ATP8A1: variants seen among roughly 807,000 people sequenced by gnomAD.
ATP8A1 encodes the protein ATPase phospholipid transporting 8A1, also known as phospholipid-transporting ATPase IA.
Under a neutral mutation model 177.7 loss-of-function variants are expected in ATP8A1, and 90 were observed. The ratio of observed to expected loss-of-function variants is 0.51; its 90% CI spans 0.43 to 0.60. The LOEUF (loss-of-function observed/expected upper bound fraction) is 0.60, where lower values mean the gene tolerates loss of function less well. ATP8A1 is among the 20% of genes least tolerant of loss of function. The pLI is 0.00. For synonymous variants in ATP8A1, 493 were observed against 485.9 expected, an observed-to-expected ratio of 1.01 and a Z score of -0.19; for missense variants, 1,072 against 1,392.8, an observed-to-expected ratio of 0.77 and a Z score of 3.67.
intron 15 of ATP8A1, among the ~76,000 whole-genome samples, chr4:42,563,455 T>C (rs777462690): frequency 2.0e-5 from 3 of 152,196 alleles, no homozygotes; most frequent in Non-Finnish European, 4.4e-5. Flanking sequence ...GACAATGTGA[T>C]AGAAAAGAAA....
intron 10 of ATP8A1, among the ~76,000 whole-genome samples, 158 bp from the exon 11 acceptor site, chr4:42,580,136 G>C (rs757114206): frequency 6.6e-6 from 1 of 152,138 alleles, no homozygotes; most frequent in Non-Finnish European, 1.5e-5. Flanking sequence ...GTAATAAGGT[G>C]CCAATGGTTA....
At chr4:42,551,453 G>A (rs1217497212) in intron 17 of ATP8A1, among the ~76,000 whole-genome samples, 173 bp from the exon 18 acceptor site, 3 of 152,092 alleles carry the variant, frequency 2.0e-5, no homozygotes, top group African/African-American at 7.2e-5. Context: ...AAAGAAATGA[G>A]GATAATAATC....
chr4:42,544,294 T>C (rs900802352), intron 19 of ATP8A1, among the ~76,000 whole-genome samples: 4 of 152,190 alleles, frequency 2.6e-5, no homozygotes, highest in African/African-American at 7.2e-5. Context: ...GTTTTCGGAT[T>C]TGAAAAAATA....
intron 6 of ATP8A1, among the ~76,000 whole-genome samples, chr4:42,596,681 A>AAG (rs1353396686): frequency 2.0e-4 from 30 of 151,790 alleles, no homozygotes; most frequent in Non-Finnish European, 3.2e-4. Context: ...AAAAAAAAAA[A>AAG]AAAGAAAAGA....
At chr4:42,488,367 C>T (rs752671648) in intron 24 of ATP8A1, among the ~76,000 whole-genome samples, 28 of 151,870 alleles carry the variant, frequency 1.8e-4, no homozygotes, top group Admixed American at 9.8e-4. Context: ...GAAATTTCTG[C>T]GGTAGCCTGT....
intron 24 of ATP8A1, 112 bp from the exon 25 acceptor site, chr4:42,485,780 T>C: frequency 1.1e-6 from 1 of 888,584 alleles, no homozygotes; most frequent in Non-Finnish European, 1.7e-6. Flanking sequence ...GCTTTTTATG[T>C]TTCAAATTGC....
At position 42,515,732 on chromosome 4, in the gene ATP8A1, C is replaced by G. The variant is rs984760015; in HGVS notation, c.1947+6428G>C. On this transcript the variant is annotated intron_variant, in intron 22 of 36. Coordinates refer to ENST00000381668, the MANE Select transcript of ATP8A1 (RefSeq NM_006095.2). ...TATCTCCCACCACTGAAACAAAAGG[C>G]AGAAATTCTTCTATCCTCTCCCTGC... Among the ~76,000 whole-genome samples the G allele has an allele frequency of 2.4e-4, 37 of 152,262 alleles. 1 individual carries two copies. Among genetic ancestry groups the G allele is most frequent in the African/African-American group, 7.2e-4 (30 of 41,560 alleles).
At chr4:42,584,502 T>C (rs1235050773) in intron 9 of ATP8A1, among the ~76,000 whole-genome samples, 1 of 152,246 alleles carries the variant, frequency 6.6e-6, no homozygotes, top group Non-Finnish European at 1.5e-5. Flanking sequence ...AGTCTCATTG[T>C]ACTTGACCAT....
intron 5 of ATP8A1, 60 bp from the exon 6 acceptor site, chr4:42,600,578 G>T: frequency 6.7e-7 from 1 of 1,490,796 alleles, no homozygotes; most frequent in South Asian, 1.3e-5. Context: ...GGCCATTTCT[G>T]ATGAAATAAT....
chr4:42,496,499 C>A (rs1366303881), intron 24 of ATP8A1, among the ~76,000 whole-genome samples: 1 of 152,126 alleles, frequency 6.6e-6, no homozygotes, highest in Non-Finnish European at 1.5e-5. Flanking sequence ...CAGGAAGAGG[C>A]TGCTCAGAAT....
At chr4:42,618,286 T>C (rs1473047166) in intron 4 of ATP8A1, among the ~76,000 whole-genome samples, 1 of 152,226 alleles carries the variant, frequency 6.6e-6, no homozygotes, top group Non-Finnish European at 1.5e-5. Context: ...CAAGGCTTAC[T>C]CCCTGGCCCT....
At chr4:42,555,143 TATCTATC>T (rs1157665840) in intron 16 of ATP8A1, among the ~76,000 whole-genome samples, 2,399 of 64,502 alleles carry the variant, frequency 0.037, 68 homozygotes, top group Admixed American at 0.045. Context: ...CTATCTAATC[TATCTATC>T]TATCTATCTA....
chr4:42,541,786 C>T (rs1038745317), intron 20 of ATP8A1, among the ~76,000 whole-genome samples: 2 of 152,130 alleles, frequency 1.3e-5, no homozygotes, highest in Non-Finnish European at 1.5e-5. Context: ...TATACCATAT[C>T]ATTCTAACTA....
intron 23 of ATP8A1, among the ~76,000 whole-genome samples, chr4:42,504,415 A>C (rs1384054756): frequency 1.3e-5 from 2 of 152,218 alleles, no homozygotes; most frequent in African/African-American, 4.8e-5. Context: ...ATTTGGGTTA[A>C]TGGTAATTCC....
chr4:42,551,887 A>C (rs750821516), intron 17 of ATP8A1, among the ~76,000 whole-genome samples: 1 of 152,298 alleles, frequency 6.6e-6, no homozygotes, highest in East Asian at 1.9e-4. Flanking sequence ...ATGCTGGCTT[A>C]GAATGCAGTT....
At chr4:42,519,347 G>A (rs891384515) in intron 22 of ATP8A1, among the ~76,000 whole-genome samples, 3 of 152,090 alleles carry the variant, frequency 2.0e-5, no homozygotes, top group Admixed American at 2.0e-4. Flanking sequence ...TCCCACCTTG[G>A]TCTCCCAAAA....
intron 31 of ATP8A1, 98 bp from the exon 32 acceptor site, chr4:42,444,732 T>G: frequency 8.2e-7 from 1 of 1,224,210 alleles, no homozygotes; most frequent in Non-Finnish European, 1.2e-6. Context: ...TGAATGTAAC[T>G]ATGGGACTAG....
chr4:42,469,935 T>C (rs1044519385), intron 25 of ATP8A1, among the ~76,000 whole-genome samples: 1 of 152,226 alleles, frequency 6.6e-6, no homozygotes, highest in African/African-American at 2.4e-5. Context: ...GCTGAGAATA[T>C]CTAAAACCTA....
At chr4:42,425,338 T>C (rs1240591464) in intron 33 of ATP8A1, among the ~76,000 whole-genome samples, 1 of 152,194 alleles carries the variant, frequency 6.6e-6, no homozygotes, top group Non-Finnish European at 1.5e-5. Context: ...CTGACCATTG[T>C]GATGCTAACG....
Sources: allele counts gnomAD v4.1 joint callset (sites outside exome capture counted in the v4.1 genomes callset), GRCh38; gene constraint gnomAD v4.1.1; transcripts MANE v1.5; gene names NCBI Gene and HGNC (gene_info 2026-07-23, HGNC 2026-07-21).